Variants in STK25 observed in about 807,000 individuals in gnomAD.
STK25 encodes serine/threonine-protein kinase 25.
Under a neutral mutation model 53.8 loss-of-function variants are expected in STK25, and 29 were observed. The observed-to-expected ratio is 0.54, with a 90% confidence interval of 0.40 to 0.74. The LOEUF (loss-of-function observed/expected upper bound fraction) is 0.74. Ranked by LOEUF, STK25 falls within the 30% of genes least tolerant of loss-of-function variation. STK25 has a pLI of 0.00. For synonymous variants in STK25, 247 were observed against 238.3 expected (o/e 1.04, Z -0.33); for missense variants, 420 against 568.0 (o/e 0.74, Z 2.65).
chr2:241,501,979 C>T lies in STK25; in HGVS notation c.31-271G>A. The stretch of plus-strand genomic sequence containing the variant: ...GGTCAGGAGTTCGAGACCAGCCTGG[C>T]CAGCATGGTGAAACCCCATCTCTAA... On this transcript the variant is annotated intron_variant, in intron 2 of 11. Coordinates refer to ENST00000316586, the MANE Select transcript of STK25 (RefSeq NM_001271977.2). This position sits in a 1 kb window ranked among gnomAD's most constrained non-coding sequence, Gnocchi z 5.3. 1 of 379,134 alleles carries T rather than the reference C, an allele frequency of 2.6e-6. No homozygotes were observed. Among genetic ancestry groups the T allele is most frequent in the Admixed American group, 3.8e-5 (1 of 26,080 alleles). 23.5% of individuals were successfully genotyped at this position (379,134 alleles called of 1,614,324 possible). A position where few individuals can be genotyped will look rare whatever the true frequency, so the allele number is the denominator to read the frequency against.
intron 1 of STK25, 81 bp downstream of exon 1, chr2:241,508,362 C>A: frequency 8.7e-7 from 1 of 1,148,152 alleles, no homozygotes; most frequent in Non-Finnish European, 1.1e-6. Flanking sequence ...CCCGGTGTCC[C>A]CGCCACCGAG....
rs1029849575 is a variant in STK25 at position 241,494,214 on chromosome 2, A to T, written c.*1448T>A. 6.5e-6 allele frequency: 5 copies of T among 772,310 alleles called. No individual in the cohort carries two copies. Among genetic ancestry groups the T allele is most frequent in the Non-Finnish European group, 9.7e-6 (5 of 513,526 alleles). 47.8% of individuals were successfully genotyped at this position (772,310 alleles called of 1,614,324 possible). A position where few individuals can be genotyped will look rare whatever the true frequency, so the allele number is the denominator to read the frequency against. The stretch of plus-strand genomic sequence containing the variant: ...TCCTGAGGCTTCTCAACAGATGGGA[A>T]GTGGCTGTGGTCTCACTGGATCCCC... On this transcript the variant is annotated 3_prime_UTR_variant, in exon 12 of 12. Coordinates refer to ENST00000316586, the MANE Select transcript of STK25 (RefSeq NM_001271977.2). This position sits in a 1 kb window ranked among gnomAD's most constrained non-coding sequence, Gnocchi z 4.9.
At position 241,505,747 on chromosome 2, in the gene STK25, T is replaced by C. The variant is rs538914869; in HGVS notation, c.30+2259A>G. Among the ~76,000 whole-genome samples, 4 of 152,322 alleles carry C rather than the reference T, an allele frequency of 2.6e-5. No homozygotes were observed. The East Asian group carries it at 7.7e-4, about 29-fold the overall frequency. On this transcript the variant is annotated intron_variant, in intron 2 of 11. Transcript: ENST00000316586. ...AGAAACTGTGTGACAGGAACCCTCT[T>C]GGCTGTGATCCTGGCCCTACAATGA...
rs925194942 is a variant in STK25 at position 241,508,527 on chromosome 2, G to T, written c.-185C>A. On this transcript the variant is annotated 5_prime_UTR_variant, in exon 1 of 12. Coordinates refer to ENST00000316586, the MANE Select transcript of STK25 (RefSeq NM_001271977.2). ...CACCCGCAGCCTCTGTTCGCCCGGGGACCCCGGGCCTCCCAGCCCGCGAAG... is the reference window on the plus strand; with the variant it reads ...CACCCGCAGCCTCTGTTCGCCCGGGTACCCCGGGCCTCCCAGCCCGCGAAG... 2 of 1,007,308 alleles carry T rather than the reference G, an allele frequency of 2.0e-6. No individual in the cohort carries two copies. Among genetic ancestry groups the T allele is most frequent in the African/African-American group, 1.7e-5 (1 of 57,320 alleles). 62.4% of individuals were successfully genotyped at this position (1,007,308 alleles called of 1,614,324 possible).
At chr2:241,498,939 C>T (rs758782003) in intron 7 of STK25, 50 bp downstream of exon 7, 3 of 1,611,886 alleles carry the variant, frequency 1.9e-6, no homozygotes, top group African/African-American at 2.7e-5. Flanking sequence ...AAGCGAACGC[C>T]CTCCCTCCAC....
chr2:241,496,329 G>A lies in STK25; in HGVS notation c.1241+69C>T, dbSNP rs2065154592. ...GCAGCCACACCCACGAGTGAGCACT[G>A]GACCTCACCCCACGTCCAGCTTCTT... On this transcript the variant is annotated intron_variant, in intron 11 of 11. Transcript: ENST00000316586. This position sits in a 1 kb window ranked among gnomAD's most constrained non-coding sequence, Gnocchi z 5.8. 1 of 1,560,230 alleles carries A rather than the reference G, an allele frequency of 6.4e-7. No individual in the cohort carries two copies. The highest frequency in any genetic ancestry group is 8.7e-7 in the Non-Finnish European group (1 of 1,144,550).
intron 2 of STK25, among the ~76,000 whole-genome samples, chr2:241,505,044 G>A (rs2125000046): frequency 6.6e-6 from 1 of 151,760 alleles, no homozygotes; most frequent in East Asian, 1.9e-4. Flanking sequence ...AGCCTCCCGA[G>A]TAGCCGGACT....
rs34119495 is a variant in STK25, at chr2:241,494,808, A to G, written c.*854T>C. 4 of 152,170 alleles carry G rather than the reference A, an allele frequency of 2.6e-5. No individual in the cohort carries two copies. The highest frequency in any genetic ancestry group is 1.3e-4 in the Admixed American group (2 of 15,272). 9.4% of individuals were successfully genotyped at this position (152,170 alleles called of 1,614,324 possible). A position where few individuals can be genotyped will look rare whatever the true frequency, so the allele number is the denominator to read the frequency against. On this transcript the variant is annotated 3_prime_UTR_variant, in exon 12 of 12. Coordinates refer to ENST00000316586, the MANE Select transcript of STK25 (RefSeq NM_001271977.2). This position sits in a 1 kb window ranked among gnomAD's most constrained non-coding sequence, Gnocchi z 4.9. ...ATGGGCGACTGCTTTGTTCACACACATTTGATTAAAAATAAACAAACAGCA... is the reference window on the plus strand; with the variant it reads ...ATGGGCGACTGCTTTGTTCACACACGTTTGATTAAAAATAAACAAACAGCA...
chr2:241,508,069 C>G lies in STK25; in HGVS notation c.-34G>C. 6.3e-7 allele frequency: 1 copy of G among 1,587,660 alleles called. No homozygotes were observed. Among genetic ancestry groups the G allele is most frequent in the Non-Finnish European group, 8.6e-7 (1 of 1,168,664 alleles). On this transcript the variant is annotated 5_prime_UTR_variant, in exon 2 of 12. Transcript: ENST00000316586. ...CGCCTCAGACCCTCCGCCAGCAGCCCCAGGAGGCGTCTGGATCCCGCGGAG... is the reference window on the plus strand; with the variant it reads ...CGCCTCAGACCCTCCGCCAGCAGCCGCAGGAGGCGTCTGGATCCCGCGGAG...
At chr2:241,504,110 G>A (rs755508749) in intron 2 of STK25, 12 of 471,072 alleles carry the variant, frequency 2.5e-5, no homozygotes, top group South Asian at 1.5e-4. Context: ...GGGAAGGAAA[G>A]GCAGTTAGGG....
At position 241,498,440 on chromosome 2, in the gene STK25, G is replaced by A. The variant is rs979071972; in HGVS notation, c.918-91C>T. Reference sequence around the variant, plus strand: ...CACACCTCACGGCCAAGGGAAACCCGAGGTACCAGACGGGGCTCTGCCAGG... The same window carrying A: ...CACACCTCACGGCCAAGGGAAACCCAAGGTACCAGACGGGGCTCTGCCAGG... On this transcript the variant is annotated intron_variant, in intron 8 of 11. Coordinates refer to ENST00000316586, the MANE Select transcript of STK25 (RefSeq NM_001271977.2). 7.0e-5 allele frequency: 94 copies of A among 1,337,242 alleles called. 1 individual carries two copies. The South Asian group carries it at 7.6e-4, about 11-fold the overall frequency. The allele number at this position is 1,337,242 out of a possible 1,614,324, so 82.8% of individuals were successfully genotyped here. A position where few individuals can be genotyped will look rare whatever the true frequency, so the allele number is the denominator to read the frequency against.
rs961984416 is a variant in STK25 at position 241,508,424 on chromosome 2, C to A, written c.-101+19G>T. ...CCCTCCCCAATCGCCGCAAGCGCCC[C>A]GCCCGGCAGCGCGCCCACCTCCGCG... On this transcript the variant is annotated intron_variant, in intron 1 of 11. Transcript: ENST00000316586. 1 of 1,082,984 alleles carries A rather than the reference C, an allele frequency of 9.2e-7. No homozygotes were observed. The highest frequency in any genetic ancestry group is 5.2e-5 in the Admixed American group (1 of 19,408). The allele number at this position is 1,082,984 out of a possible 1,614,324, so 67.1% of individuals were successfully genotyped here.
upstream of STK25, chr2:241,508,729 G>A (rs552921013): frequency 2.2e-5 from 22 of 985,506 alleles, no homozygotes; most frequent in East Asian, 4.6e-4. Context: ...GGGGGCCGGG[G>A]CTCGCATGCG....
At chr2:241,500,363 G>T in intron 4 of STK25, 82 bp from the exon 5 acceptor site, 2 of 972,292 alleles carry the variant, frequency 2.1e-6, no homozygotes, top group Non-Finnish European at 3.2e-6. Flanking sequence ...TCACAGGGAA[G>T]GGCTGTCCCT....
At position 241,493,595 on chromosome 2, in the gene STK25, T is replaced by TTG; in HGVS notation, c.*2065_*2066dup. 1.6e-6 allele frequency: 1 copy of TTG among 633,364 alleles called. No individual in the cohort carries two copies. The highest frequency in any genetic ancestry group is 2.9e-5 in the East Asian group (1 of 34,800). The allele number at this position is 633,364 out of a possible 1,614,324, so 39.2% of individuals were successfully genotyped here. ...AGCATTTCCAAAAAACAGCAATGCTTTGTTTTTTTTTTTTTTGGAGATGGC... is the reference window on the plus strand; with the variant it reads ...AGCATTTCCAAAAAACAGCAATGCTTTGTGTTTTTTTTTTTTTTGGAGATGGC... On this transcript the variant is annotated 3_prime_UTR_variant, in exon 12 of 12. Coordinates refer to ENST00000316586, the MANE Select transcript of STK25 (RefSeq NM_001271977.2).
At position 241,493,187 on chromosome 2, in the gene STK25, GGCCC is replaced by G; in HGVS notation, c.*2471_*2474del. On this transcript the variant is annotated 3_prime_UTR_variant, in exon 12 of 12. Coordinates refer to ENST00000316586, the MANE Select transcript of STK25 (RefSeq NM_001271977.2). ...TGTGAACAGGGAAACTGGCTCCCTTGGCCCGTGGGCATTTGTACGTGCCACCGTT... is the reference window on the plus strand; with the variant it reads ...TGTGAACAGGGAAACTGGCTCCCTTGGTGGGCATTTGTACGTGCCACCGTT... The G allele has an allele frequency of 7.4e-7, 1 of 1,359,596 alleles. No individual in the cohort carries two copies. Among genetic ancestry groups the G allele is most frequent in the African/African-American group, 1.4e-5 (1 of 69,820 alleles). The allele number at this position is 1,359,596 out of a possible 1,614,324, so 84.2% of individuals were successfully genotyped here. A position where few individuals can be genotyped will look rare whatever the true frequency, so the allele number is the denominator to read the frequency against.
rs775975388 is a variant in STK25 at position 241,496,518 on chromosome 2, T to C, written c.1121A>G (p.Lys374Arg). Residue 374 changes from lysine (K) to arginine (R), a missense_variant, in exon 11 of 12, where the codon AAG becomes AGG. Physicochemically the swap from Lys to Arg is conservative, Grantham distance 26 (BLOSUM62 2). Coordinates refer to ENST00000316586, the MANE Select transcript of STK25 (RefSeq NM_001271977.2). This position sits in a 1 kb window ranked among gnomAD's most constrained non-coding sequence, Gnocchi z 5.8. The stretch of plus-strand genomic sequence containing the variant: ...CGCACCCACGCTCCCGCCGCTCTGC[T>C]TGTGCTTCTCTTTGAGCTGTGAAAA... ...PVFGELKEKH[K>R]QSGGSVGALE... is the part of the protein sequence containing the mutation. The C allele has an allele frequency of 3.1e-6, 5 of 1,613,668 alleles. No homozygotes were observed. Among genetic ancestry groups the C allele is most frequent in the South Asian group, 1.1e-5 (1 of 91,054 alleles).
At position 241,500,157 on chromosome 2, in the gene STK25, C is replaced by G. The variant is rs1178582626; in HGVS notation, c.427+16G>C. On this transcript the variant is annotated intron_variant, in intron 5 of 11. Transcript: ENST00000316586. ...GCTCAGGACGTTACAAGAGCCACAT[C>G]CACCCCCAGCAGGACCTTTGATGTC... The G allele has an allele frequency of 1.2e-5, 19 of 1,608,646 alleles. No homozygotes were observed. The highest frequency in any genetic ancestry group is 1.7e-5 in the Admixed American group (1 of 60,010).
In STK25 at chr2:241,493,485, G is replaced by A. The variant is rs375374995; in HGVS notation, c.*2177C>T. 95 of 1,595,866 alleles carry A rather than the reference G, an allele frequency of 6.0e-5. No individual in the cohort carries two copies. The Admixed American group carries it at 9.2e-4, about 15-fold the overall frequency. On this transcript the variant is annotated 3_prime_UTR_variant, in exon 12 of 12. Transcript: ENST00000316586. ...GCAGCCCTGGTCAGCTGCCCATTTC[G>A]ATGTCCGCTCAGCTCCCATTTCTAC...
Sources: gnomAD v4.1 joint callset for allele counts (sites outside exome capture counted in the v4.1 genomes callset) on GRCh38, gnomAD v4.1.1 for gene constraint, Gnocchi (gnomAD v3.1) non-coding constraint, MANE v1.5 for transcripts, NCBI Gene and HGNC (gene_info 2026-07-23, HGNC 2026-07-21) for gene names.